Variants in OPCML observed in about 807,000 individuals in gnomAD.
The protein encoded by OPCML is opioid binding protein/cell adhesion molecule like.
Under a neutral mutation model 37.8 loss-of-function variants are expected in OPCML, and 13 were observed. The ratio of observed to expected loss-of-function variants is 0.34; its 90% confidence interval spans 0.22 to 0.55. OPCML has a LOEUF of 0.55. OPCML is among the 20% of genes least tolerant of loss of function. The pLI is 0.91. For missense variants in OPCML, 341 were observed against 435.6 expected, an observed-to-expected ratio of 0.78 and a Z score of 1.93; for synonymous variants, 176 against 168.8, an observed-to-expected ratio of 1.04 and a Z score of -0.33.
At chr11:133,246,215 A>AC (rs1407422375) in intron 1 of OPCML, among the ~76,000 whole-genome samples, 1 of 152,238 alleles carries the variant, frequency 6.6e-6, no homozygotes, top group Non-Finnish European at 1.5e-5. Context: ...AATTCAATGC[A>AC]CATTTATTAT....
intron 1 of OPCML, among the ~76,000 whole-genome samples, chr11:133,342,642 G>A (rs528467263): frequency 1.3e-5 from 2 of 152,306 alleles, no homozygotes; most frequent in South Asian, 2.1e-4. Context: ...GAGGGAGGGC[G>A]AAGAGTGGCA....
intron 2 of OPCML, among the ~76,000 whole-genome samples, chr11:132,667,441 G>C (rs911492339): frequency 1.3e-5 from 2 of 152,142 alleles, no homozygotes; most frequent in African/African-American, 4.8e-5. Context: ...CATGAGACAA[G>C]GACCAGGCCT....
At chr11:133,504,864 A>G (rs1021144962) in intron 1 of OPCML, among the ~76,000 whole-genome samples, 6 of 152,258 alleles carry the variant, frequency 3.9e-5, no homozygotes, top group African/African-American at 1.4e-4. Context: ...ATTATAAGTG[A>G]TTGTGTTAAA....
chr11:133,381,011 G>A (rs181284980), intron 1 of OPCML, among the ~76,000 whole-genome samples: 32 of 152,338 alleles, frequency 2.1e-4, no homozygotes, highest in Admixed American at 8.5e-4. Context: ...AGGGCGAAGC[G>A]CAGGAAATAG....
chr11:132,908,249 T>C (rs1265623350), intron 2 of OPCML, among the ~76,000 whole-genome samples: 1 of 148,872 alleles, frequency 6.7e-6, no homozygotes, highest in Non-Finnish European at 1.5e-5. Flanking sequence ...GTGAAAGACA[T>C]TAGTCCCCTC....
At chr11:132,576,854 G>A (rs541082800) in intron 3 of OPCML, among the ~76,000 whole-genome samples, 1 of 152,116 alleles carries the variant, frequency 6.6e-6, no homozygotes, top group African/African-American at 2.4e-5. Flanking sequence ...TGCTCTGTGG[G>A]TTGAGCCAGG....
Position 132,633,588 on chromosome 11 carries a change from C to T in OPCML, c.379+23499G>A, listed in dbSNP as rs142992173. ...CCCTGGGTCTGAGCCTGGCCTCTTA[C>T]GCTGCATGACACAGGACATCTGTTG... is the stretch of plus-strand genomic sequence containing the variant. On this transcript the variant is annotated intron_variant, in intron 3 of 7. Coordinates refer to ENST00000524381, the MANE Select transcript of OPCML (RefSeq NM_001012393.5). Among the ~76,000 whole-genome samples, 554 of 152,218 alleles carry T rather than the reference C, an allele frequency of 3.6e-3. 3 individuals are homozygous for T. Among genetic ancestry groups the T allele is most frequent in the Non-Finnish European group, 5.0e-3 (342 of 68,014 alleles).
chr11:133,098,520 G>T (rs1949038139), intron 1 of OPCML, among the ~76,000 whole-genome samples: 1 of 152,010 alleles, frequency 6.6e-6, no homozygotes, highest in Admixed American at 6.6e-5. Context: ...CATTCGGCTG[G>T]TTAAACATTC....
intron 2 of OPCML, among the ~76,000 whole-genome samples, chr11:132,781,623 A>AT (rs375426070): frequency 0.01 from 1,459 of 140,542 alleles, 12 homozygotes; most frequent in East Asian, 0.019. Flanking sequence ...CACACACCCT[A>AT]TTTTTTTTTT....
chr11:132,602,929 G>T (rs1361159925), intron 3 of OPCML, among the ~76,000 whole-genome samples: 1 of 152,184 alleles, frequency 6.6e-6, no homozygotes, highest in African/African-American at 2.4e-5. Context: ...CATCATGGGG[G>T]TCCACCTTGT....
At chr11:132,429,315 G>T (rs569331660) in intron 7 of OPCML, among the ~76,000 whole-genome samples, 1 of 152,186 alleles carries the variant, frequency 6.6e-6, no homozygotes, top group African/African-American at 2.4e-5. Flanking sequence ...GTGGCAAACC[G>T]ACAGGAGTTG....
intron 1 of OPCML, among the ~76,000 whole-genome samples, chr11:133,343,740 A>G (rs1171025216): frequency 1.3e-5 from 2 of 152,204 alleles, no homozygotes; most frequent in Admixed American, 6.5e-5. Flanking sequence ...ATAAAATTCA[A>G]TCACTTTACA....
chr11:132,566,660 T>C (rs1403832419), intron 3 of OPCML, among the ~76,000 whole-genome samples: 1 of 152,252 alleles, frequency 6.6e-6, no homozygotes, highest in Admixed American at 6.5e-5. Flanking sequence ...CACAAAGAGC[T>C]TTTGTGCTGC....
intron 1 of OPCML, among the ~76,000 whole-genome samples, chr11:133,191,394 A>T (rs947108547): frequency 2.6e-5 from 4 of 152,148 alleles, no homozygotes; most frequent in African/African-American, 7.2e-5. Context: ...GGTAATTTAG[A>T]ATGTTCAATG....
intron 1 of OPCML, among the ~76,000 whole-genome samples, chr11:133,263,124 C>A (rs757938625): frequency 6.6e-5 from 10 of 151,988 alleles, no homozygotes; most frequent in Admixed American, 1.3e-4. Flanking sequence ...TGTGACCCCG[C>A]ACAAATAACC....
intron 1 of OPCML, among the ~76,000 whole-genome samples, chr11:133,151,433 A>G (rs993450987): frequency 1.3e-5 from 2 of 151,984 alleles, no homozygotes; most frequent in Admixed American, 6.5e-5. Flanking sequence ...GGGAGGAAGG[A>G]AGGAGGAAAA....
chr11:132,515,877 A>G (rs907440193), intron 4 of OPCML, among the ~76,000 whole-genome samples: 1 of 152,184 alleles, frequency 6.6e-6, no homozygotes, highest in African/African-American at 2.4e-5. Context: ...CAGGAAGAAA[A>G]GAGCCTGCAG....
intron 1 of OPCML, among the ~76,000 whole-genome samples, chr11:133,499,800 A>G (rs1464658997): frequency 1.1e-4 from 15 of 140,476 alleles, no homozygotes; most frequent in East Asian, 4.1e-4. Context: ...ACATATATAT[A>G]TGTGTGTGTA....
chr11:133,136,706 G>A (rs1170729327), intron 1 of OPCML, among the ~76,000 whole-genome samples: 1 of 152,030 alleles, frequency 6.6e-6, no homozygotes, highest in East Asian at 1.9e-4. Flanking sequence ...GGAGTGAGCA[G>A]GTGGAGCAAG....
Sources: gnomAD v4.1 joint callset for allele counts (sites outside exome capture counted in the v4.1 genomes callset) on GRCh38, gnomAD v4.1.1 for gene constraint, MANE v1.5 for transcripts, NCBI Gene and HGNC (gene_info 2026-07-23, HGNC 2026-07-21) for gene names.